KIAA1217: variants seen among roughly 807,000 people sequenced by gnomAD.
KIAA1217 encodes KIAA1217.
Under a neutral mutation model 163.9 loss-of-function variants are expected in KIAA1217, and 88 were observed. That is an observed-to-expected ratio of 0.54 (90% confidence interval 0.45 to 0.64). The LOEUF (loss-of-function observed/expected upper bound fraction) is 0.64. KIAA1217 is among the 30% of genes least tolerant of loss of function. KIAA1217 has a pLI of 0.00. For missense variants in KIAA1217, 2,372 were observed against 2,475.0 expected (o/e 0.96, Z 0.88); for synonymous variants, 903 against 923.1 (o/e 0.98, Z 0.39).
chr10:23,900,846 C>A (rs1841927292), intron 1 of KIAA1217, among the ~76,000 whole-genome samples: 1 of 152,014 alleles, frequency 6.6e-6, no homozygotes. Flanking sequence ...CTAGGGTAAG[C>A]TATAAAGCTT....
At chr10:24,114,406 C>T (rs2062971672) in intron 2 of KIAA1217, among the ~76,000 whole-genome samples, 1 of 152,138 alleles carries the variant, frequency 6.6e-6, no homozygotes, top group African/African-American at 2.4e-5. Context: ...ACTGTATCCA[C>T]CCAAGTGATA....
At chr10:24,113,177 A>G (rs149366661) in intron 2 of KIAA1217, among the ~76,000 whole-genome samples, 1 of 152,298 alleles carries the variant, frequency 6.6e-6, no homozygotes, top group Admixed American at 6.5e-5. Context: ...GCTTGATCAT[A>G]TTCTACCGGT....
intron 1 of KIAA1217, among the ~76,000 whole-genome samples, chr10:23,811,500 T>C (rs907871001): frequency 6.6e-6 from 1 of 151,940 alleles, no homozygotes; most frequent in Non-Finnish European, 1.5e-5. Flanking sequence ...TGTTCATTCT[T>C]AGTTATAGGA....
At position 23,733,174 on chromosome 10, in the gene KIAA1217, C is replaced by T. The variant is rs866323560; in HGVS notation, c.-321+37940C>T. The stretch of plus-strand genomic sequence containing the variant: ...GACTACAGATGCCCGCCACCACACC[C>T]GGCTAATTTTGTATTTTTAGTAGAG... On this transcript the variant is annotated intron_variant, in intron 1 of 18. Coordinates refer to the KIAA1217 transcript ENST00000376462. Among the ~76,000 whole-genome samples the T allele has an allele frequency of 7.2e-5, 11 of 152,082 alleles. No homozygotes were observed. The East Asian group carries it at 9.7e-4, about 13-fold the overall frequency.
intron 3 of KIAA1217, among the ~76,000 whole-genome samples, chr10:24,425,601 G>A (rs1384361607): frequency 1.3e-5 from 2 of 152,134 alleles, no homozygotes; most frequent in Non-Finnish European, 1.5e-5. Context: ...ACTGTTTAGT[G>A]TTCCAGTGAA....
intron 2 of KIAA1217, among the ~76,000 whole-genome samples, chr10:24,357,812 G>A (rs575545900): frequency 2.0e-5 from 3 of 152,286 alleles, no homozygotes; most frequent in Admixed American, 1.3e-4. Flanking sequence ...TAGGGGAGTC[G>A]GGGTGATAGA....
At chr10:23,833,764 T>G (rs1276807605) in intron 1 of KIAA1217, among the ~76,000 whole-genome samples, 1 of 152,068 alleles carries the variant, frequency 6.6e-6, no homozygotes, top group Non-Finnish European at 1.5e-5. Flanking sequence ...TCTTCAAATG[T>G]TGCCTTGGTA....
chr10:23,749,020 G>A (rs1052769219), intron 1 of KIAA1217, among the ~76,000 whole-genome samples: 3 of 152,158 alleles, frequency 2.0e-5, no homozygotes, highest in African/African-American at 7.2e-5. Flanking sequence ...GTCATCACCT[G>A]CTGTTATACC....
chr10:24,435,596 G>A (rs1194024130), intron 4 of KIAA1217, among the ~76,000 whole-genome samples: 4 of 152,140 alleles, frequency 2.6e-5, no homozygotes, highest in Admixed American at 2.6e-4. Flanking sequence ...GCCTGTGCAA[G>A]GATTTTTATA....
rs1554926708 is a variant in KIAA1217, at chr10:24,520,643, A to AAAAG, written c.2308+393_2308+394insGAAA. Among the ~76,000 whole-genome samples the AAAAG allele has an allele frequency of 4.5e-3, 397 of 88,072 alleles. 5 individuals are homozygous for AAAAG. Among genetic ancestry groups the AAAAG allele is most frequent in the African/African-American group, 0.02 (331 of 16,348 alleles). 57.8% of individuals were successfully genotyped at this position (88,072 alleles called of 152,430 possible). ...CATCTCTACCAAAAAAAAAAAAAAA[A>AAAAG]AAAAAAAAATATATATATATATATA... On this transcript the variant is annotated intron_variant, in intron 11 of 20. Coordinates refer to ENST00000376454, the MANE Select transcript of KIAA1217 (RefSeq NM_019590.5).
At position 24,065,393 on chromosome 10, in the gene KIAA1217, G is replaced by T. The variant is rs1320429583; in HGVS notation, c.-171+58019G>T. 2.0e-5 allele frequency among the ~76,000 whole-genome samples: 3 copies of T among 152,090 alleles called. No homozygotes were observed. In the South Asian group the frequency reaches 6.2e-4, roughly 32 times the overall value. ...ACATCTTTATTTCTGCCTTCATTTCGTTATTTACCCAGTAGTCATTCAGGA... is the reference window on the plus strand; with the variant it reads ...ACATCTTTATTTCTGCCTTCATTTCTTTATTTACCCAGTAGTCATTCAGGA... On this transcript the variant is annotated intron_variant, in intron 2 of 18. Transcript: ENST00000376462.
intron 2 of KIAA1217, among the ~76,000 whole-genome samples, chr10:24,312,154 G>A (rs1324537557): frequency 2.0e-5 from 3 of 152,170 alleles, no homozygotes; most frequent in Non-Finnish European, 4.4e-5. Flanking sequence ...CTCTCCCTGA[G>A]CCTTTCAGCA....
chr10:23,755,119 G>A (rs568892035), intron 1 of KIAA1217, among the ~76,000 whole-genome samples: 2 of 152,194 alleles, frequency 1.3e-5, no homozygotes, highest in South Asian at 2.1e-4. Flanking sequence ...TGGCACCCAC[G>A]GCGGACGCTT....
chr10:24,441,300 A>G (rs958859502), intron 5 of KIAA1217, among the ~76,000 whole-genome samples: 4 of 152,156 alleles, frequency 2.6e-5, no homozygotes, highest in Non-Finnish European at 5.9e-5. Flanking sequence ...GCTTATGACC[A>G]ATAAACATGC....
chr10:24,350,913 C>A (rs566626849), intron 2 of KIAA1217, among the ~76,000 whole-genome samples: 22 of 150,280 alleles, frequency 1.5e-4, no homozygotes, highest in Non-Finnish European at 2.8e-4. Flanking sequence ...TCATGTATTT[C>A]AACAGTTTTT....
rs189976208 is a variant in KIAA1217, at chr10:24,099,288, A to T, written c.-171+91914A>T. ...CCATGTTGGTTTGCTGCACCCATTAACTCGTCATTTACATTAGTTATTTCT... is the reference window on the plus strand; with the variant it reads ...CCATGTTGGTTTGCTGCACCCATTATCTCGTCATTTACATTAGTTATTTCT... On this transcript the variant is annotated intron_variant, in intron 2 of 18. Transcript: ENST00000376462. Among the ~76,000 whole-genome samples, 374 of 150,268 alleles carry T rather than the reference A, an allele frequency of 2.5e-3. 3 individuals are homozygous for T. Among genetic ancestry groups the T allele is most frequent in the Admixed American group, 4.8e-3 (73 of 15,096 alleles).
chr10:24,046,515 CG>C (rs1294166910), intron 2 of KIAA1217, among the ~76,000 whole-genome samples: 1 of 152,036 alleles, frequency 6.6e-6, no homozygotes, highest in Non-Finnish European at 1.5e-5. Context: ...ACAGTCATGG[CG>C]GAAGACGAAG....
chr10:24,181,424 C>A, intron 2 of KIAA1217, among the ~76,000 whole-genome samples: 1 of 152,070 alleles, frequency 6.6e-6, no homozygotes, highest in East Asian at 1.9e-4. Context: ...GGACAGCAGA[C>A]AAGATCAACC....
intron 2 of KIAA1217, among the ~76,000 whole-genome samples, chr10:24,297,895 G>A (rs1024454205): frequency 1.3e-5 from 2 of 151,626 alleles, no homozygotes; most frequent in African/African-American, 4.8e-5. Context: ...AAAGTGAAAG[G>A]TACATGAAAT....
Sources: gnomAD v4.1 joint callset for allele counts (sites outside exome capture counted in the v4.1 genomes callset) on GRCh38, gnomAD v4.1.1 for gene constraint, MANE v1.5 for transcripts, NCBI Gene and HGNC (gene_info 2026-07-23, HGNC 2026-07-21) for gene names.